TRAPPC12: variants seen among roughly 807,000 people sequenced by gnomAD.
The protein encoded by TRAPPC12 is trafficking protein particle complex subunit 12.
TRAPPC12 carries 61 observed loss-of-function variants against 69.2 expected under a neutral mutation model. That is an observed-to-expected ratio of 0.88 (90% CI 0.72 to 1.09). The LOEUF is 1.09. TRAPPC12 is among the 50% of genes least tolerant of loss of function. TRAPPC12 has a pLI of 0.00. For missense variants in TRAPPC12, 1,101 were observed against 1,016.4 expected (o/e 1.08, Z -1.13); for synonymous variants, 469 against 438.9 (o/e 1.07, Z -0.86).
chr2:3,408,898 G>A (rs977495240), intron 3 of TRAPPC12, among the ~76,000 whole-genome samples: 11 of 152,128 alleles, frequency 7.2e-5, no homozygotes, highest in Non-Finnish European at 1.3e-4. Flanking sequence ...ACTCTGTGCC[G>A]CCCTGGATAT....
rs548557672 is a variant in TRAPPC12, at chr2:3,435,229, G to A, written c.1418-8550G>A. ...GGTTTTCGCCATGTTGGCCAGGCTG[G>A]TCTCTAACTTCCAGCCTCAAGTGAT... On this transcript the variant is annotated intron_variant, in intron 5 of 11. Coordinates refer to ENST00000324266, the MANE Select transcript of TRAPPC12 (RefSeq NM_016030.6). 5.3e-5 allele frequency among the ~76,000 whole-genome samples: 8 copies of A among 152,004 alleles called. No individual in the cohort carries two copies. The South Asian group carries it at 1.5e-3, about 28-fold the overall frequency.
chr2:3,465,503 A>G (rs1349373336), intron 8 of TRAPPC12, 94 bp from the exon 9 acceptor site: 2 of 866,146 alleles, frequency 2.3e-6, no homozygotes, highest in South Asian at 1.4e-5. Flanking sequence ...TCCTCTCTCT[A>G]CACCGCGTCT....
chr2:3,396,349 C>T (rs1215448333), intron 2 of TRAPPC12, among the ~76,000 whole-genome samples: 3 of 151,910 alleles, frequency 2.0e-5, no homozygotes. Context: ...TCCTCTGTAC[C>T]TAATTGTATA....
At chr2:3,468,645 G>C (rs1172860172) in intron 9 of TRAPPC12, among the ~76,000 whole-genome samples, 1 of 152,150 alleles carries the variant, frequency 6.6e-6, no homozygotes, top group Non-Finnish European at 1.5e-5. Flanking sequence ...AAGTACGTGT[G>C]CTCAGAATTG....
intron 3 of TRAPPC12, among the ~76,000 whole-genome samples, chr2:3,409,462 A>G (rs1661917770): frequency 6.6e-6 from 1 of 152,196 alleles, no homozygotes; most frequent in Admixed American, 6.5e-5. Flanking sequence ...AAAGAAAATC[A>G]TCTGGCTGGG....
Position 3,421,812 on chromosome 2 carries a change from G to A in TRAPPC12, c.1165-69G>A. ...GTGAGCAGCTGTGGCCAGTGGCTAT[G>A]CGTTTGGGTCATGGATTCCACCATG... On this transcript the variant is annotated intron_variant, in intron 3 of 11. Coordinates refer to ENST00000324266, the MANE Select transcript of TRAPPC12 (RefSeq NM_016030.6). 8 of 1,406,128 alleles carry A rather than the reference G, an allele frequency of 5.7e-6. 1 individual carries two copies. The South Asian group carries it at 9.4e-5, about 17-fold the overall frequency. The allele number at this position is 1,406,128 out of a possible 1,614,324, so 87.1% of individuals were successfully genotyped here. A position where few individuals can be genotyped will look rare whatever the true frequency, so the allele number is the denominator to read the frequency against.
intron 3 of TRAPPC12, among the ~76,000 whole-genome samples, chr2:3,404,817 C>A (rs1352435899): frequency 7.0e-6 from 1 of 143,526 alleles, no homozygotes; most frequent in Non-Finnish European, 1.5e-5. Context: ...AAAGAAGTAG[C>A]GTCAGAATGT....
chr2:3,393,108 CTT>C (rs202122893), intron 2 of TRAPPC12, among the ~76,000 whole-genome samples: 7 of 138,370 alleles, frequency 5.1e-5, no homozygotes, highest in African/African-American at 1.9e-4. Flanking sequence ...AGACCTGTCT[CTT>C]TTTAAAAAAA....
chr2:3,392,903 C>CAGT (rs1419237274), intron 2 of TRAPPC12, among the ~76,000 whole-genome samples: 1 of 152,206 alleles, frequency 6.6e-6, no homozygotes, highest in African/African-American at 2.4e-5. Context: ...CAGAATTATA[C>CAGT]AGTAGCCCAG....
intron 4 of TRAPPC12, among the ~76,000 whole-genome samples, chr2:3,423,030 G>A (rs1471822661): frequency 2.0e-5 from 3 of 152,226 alleles, no homozygotes; most frequent in Admixed American, 2.0e-4. Context: ...ACTTGGGCCT[G>A]GGGCTTCTGG....
intron 5 of TRAPPC12, among the ~76,000 whole-genome samples, chr2:3,439,264 C>G (rs569441484): frequency 6.6e-6 from 1 of 152,236 alleles, no homozygotes; most frequent in East Asian, 1.9e-4. Flanking sequence ...CTGTTCAGAT[C>G]TGTTGCCCAT....
At chr2:3,443,632 G>A in intron 5 of TRAPPC12, 147 bp from the exon 6 acceptor site, 2 of 685,362 alleles carry the variant, frequency 2.9e-6, no homozygotes, top group Non-Finnish European at 5.4e-6. Flanking sequence ...GTATTTTATA[G>A]TTGACACCGT....
chr2:3,454,420 G>T (rs1208425784), intron 6 of TRAPPC12, among the ~76,000 whole-genome samples: 2 of 150,440 alleles, frequency 1.3e-5, no homozygotes, highest in African/African-American at 4.9e-5. Flanking sequence ...GTCTGGAGGG[G>T]TGTAGCCTGC....
At chr2:3,453,049 C>T (rs567078063) in intron 6 of TRAPPC12, among the ~76,000 whole-genome samples, 2 of 152,252 alleles carry the variant, frequency 1.3e-5, no homozygotes, top group African/African-American at 2.4e-5. Flanking sequence ...CTTGAACCCA[C>T]GTCTTCTGGC....
At chr2:3,466,346 G>T (rs540720896) in intron 9 of TRAPPC12, 1 of 471,210 alleles carries the variant, frequency 2.1e-6, no homozygotes, top group African/African-American at 2.0e-5. Context: ...GCAAGGGATG[G>T]CTGAGCGGGG....
At position 3,457,626 on chromosome 2, in the gene TRAPPC12, G is replaced by T; in HGVS notation, c.1536G>T (p.Leu512=). 6.2e-7 allele frequency: 1 copy of T among 1,612,792 alleles called. No individual in the cohort carries two copies. Among genetic ancestry groups the T allele is most frequent in the East Asian group, 2.2e-5 (1 of 44,866 alleles). The change falls in exon 7 of 12, where the codon CTG becomes CTT. Residue 512 remains leucine, a synonymous_variant. Coordinates refer to ENST00000324266, the MANE Select transcript of TRAPPC12 (RefSeq NM_016030.6). ...HKVKTVCSKI[L]ANLEQGLAED... ...CTCATTTGGAATGATTGCAGATCCTGGCCAATTTGGAGCAAGGCTTAGCAG... is the reference window on the plus strand; with the variant it reads ...CTCATTTGGAATGATTGCAGATCCTTGCCAATTTGGAGCAAGGCTTAGCAG...
intron 2 of TRAPPC12, among the ~76,000 whole-genome samples, chr2:3,389,450 G>C (rs1660695263): frequency 6.6e-6 from 1 of 152,264 alleles, no homozygotes; most frequent in South Asian, 2.1e-4. Context: ...CAGGCGTGTG[G>C]CAAGTGACTC....
At chr2:3,422,487 GAGA>G (rs1406588619) in intron 4 of TRAPPC12, among the ~76,000 whole-genome samples, 7 of 152,226 alleles carry the variant, frequency 4.6e-5, no homozygotes, top group Admixed American at 3.3e-4. Context: ...AAACTCATCT[GAGA>G]AGAAGGAACA....
intron 3 of TRAPPC12, among the ~76,000 whole-genome samples, chr2:3,406,413 CAA>C (rs1209618171): frequency 6.6e-6 from 1 of 152,178 alleles, no homozygotes; most frequent in Non-Finnish European, 1.5e-5. Flanking sequence ...AAAAGGTAAA[CAA>C]GCATCCCTTG....
Sources: allele counts gnomAD v4.1 joint callset (sites outside exome capture counted in the v4.1 genomes callset), GRCh38; gene constraint gnomAD v4.1.1; transcripts MANE v1.5; gene names NCBI Gene and HGNC (gene_info 2026-07-23, HGNC 2026-07-21).